The following PIBF1 variants were observed in gnomAD, a reference collection of about 807,000 sequenced individuals.
PIBF1 encodes progesterone immunomodulatory binding factor 1.
A neutral mutation model predicts 112.5 loss-of-function variants in PIBF1; 90 were observed. The ratio of observed to expected loss-of-function variants is 0.80; its 90% CI spans 0.67 to 0.95. PIBF1 has a LOEUF of 0.95. PIBF1 is among the 40% of genes least tolerant of loss of function. PIBF1 has a pLI of 0.00. For missense variants in PIBF1, 915 were observed against 852.3 expected, an observed-to-expected ratio of 1.07 and a Z score of -0.92; for synonymous variants, 301 against 288.6, an observed-to-expected ratio of 1.04 and a Z score of -0.44.
chr13:72,921,040 G>A (rs9530117), intron 13 of PIBF1, among the ~76,000 whole-genome samples: 112,864 of 152,060 alleles, frequency 0.74, 42,239 homozygotes, highest in African/African-American at 0.81. Context: ...TTTTAGGGTA[G>A]CATTTAATTG....
In PIBF1 at chr13:72,837,165, C is replaced by A. The variant is rs73216814; in HGVS notation, c.1223+1797C>A. Reference sequence around the variant, plus strand: ...AATATGCTTTAGGCACCAGCAAATACGTGTGCATGCCAGAAGAAATTATAC... The same window carrying A: ...AATATGCTTTAGGCACCAGCAAATAAGTGTGCATGCCAGAAGAAATTATAC... On this transcript the variant is annotated intron_variant, in intron 9 of 17. Transcript: ENST00000326291. Among the ~76,000 whole-genome samples the A allele has an allele frequency of 5.0e-3, 755 of 152,020 alleles. 5 individuals are homozygous for A. The highest frequency in any genetic ancestry group is 5.7e-3 in the Non-Finnish European group (390 of 67,916).
intron 6 of PIBF1, among the ~76,000 whole-genome samples, chr13:72,825,129 G>C (rs184800565): frequency 6.6e-6 from 1 of 152,208 alleles, no homozygotes; most frequent in East Asian, 1.9e-4. Context: ...ATTATAATAT[G>C]ATGATAATAG....
At chr13:72,794,652 A>G (rs1193371775) in intron 3 of PIBF1, among the ~76,000 whole-genome samples, 1 of 152,194 alleles carries the variant, frequency 6.6e-6, no homozygotes, top group Non-Finnish European at 1.5e-5. Flanking sequence ...GTTCCCCTGC[A>G]CAAGCACTCT....
intron 5 of PIBF1, among the ~76,000 whole-genome samples, chr13:72,805,081 C>T (rs1405883265): frequency 6.6e-6 from 1 of 152,188 alleles, no homozygotes; most frequent in Non-Finnish European, 1.5e-5. Flanking sequence ...TCAAGCGATT[C>T]TCCTGCCTCA....
intron 5 of PIBF1, among the ~76,000 whole-genome samples, chr13:72,812,947 G>A (rs766822798): frequency 1.2e-4 from 18 of 151,684 alleles, no homozygotes; most frequent in Admixed American, 2.6e-4. Context: ...GTGAGACTCC[G>A]CCTCAAAAAA....
At chr13:72,956,263 A>G (rs1394913800) in intron 14 of PIBF1, among the ~76,000 whole-genome samples, 1 of 151,928 alleles carries the variant, frequency 6.6e-6, no homozygotes, top group Non-Finnish European at 1.5e-5. Context: ...CAAAGCTATC[A>G]ATTCTATTAT....
At chr13:72,954,027 A>G (rs980755667) in intron 14 of PIBF1, among the ~76,000 whole-genome samples, 1 of 152,160 alleles carries the variant, frequency 6.6e-6, no homozygotes, top group African/African-American at 2.4e-5. Context: ...CAGTGTCCCC[A>G]GTGGGGATCA....
intron 5 of PIBF1, among the ~76,000 whole-genome samples, chr13:72,819,688 A>G (rs2138111549): frequency 6.6e-6 from 1 of 152,200 alleles, no homozygotes. Flanking sequence ...CAATGTATAT[A>G]AAATAGCCAA....
intron 16 of PIBF1, among the ~76,000 whole-genome samples, chr13:72,993,974 C>T (rs1456560385): frequency 2.0e-5 from 3 of 151,820 alleles, no homozygotes; most frequent in Non-Finnish European, 4.4e-5. Context: ...TAACTGGGGA[C>T]AGTGGTAGGT....
At chr13:72,849,438 A>G (rs2038029327) in intron 9 of PIBF1, among the ~76,000 whole-genome samples, 1 of 152,136 alleles carries the variant, frequency 6.6e-6, no homozygotes, top group South Asian at 2.1e-4. Flanking sequence ...TTGTTTTGTA[A>G]TTGTATTTCT....
At chr13:72,791,164 C>T (rs769179299) in intron 2 of PIBF1, among the ~76,000 whole-genome samples, 3 of 152,146 alleles carry the variant, frequency 2.0e-5, no homozygotes, top group African/African-American at 4.8e-5. Context: ...ACGCGATTCT[C>T]CTGCCTCAGC....
chr13:73,001,585 T>TTTTTTTTTTTTTTTTTTTTTTG (rs2043869910), intron 17 of PIBF1, among the ~76,000 whole-genome samples: 1 of 141,052 alleles, frequency 7.1e-6, no homozygotes, highest in Non-Finnish European at 1.6e-5. Flanking sequence ...AGCTTGACTT[T>TTTTTTTTTTTTTTTTTTTTTTG]TTTTTTTTTT....
Position 73,015,887 on chromosome 13 carries a change from G to A in PIBF1, c.2242G>A (p.Glu748Lys), listed in dbSNP as rs145892937. 1.3e-5 allele frequency: 21 copies of A among 1,586,700 alleles called. No individual in the cohort carries two copies. The African/African-American group carries it at 2.8e-4, about 21-fold the overall frequency. Reference sequence around the variant, plus strand: ...TAAACAGACTAAAAAAGAAGCACCTGAGTGGTCTAAGAAACAAAAGATGAA... The same window carrying A: ...TAAACAGACTAAAAAAGAAGCACCTAAGTGGTCTAAGAAACAAAAGATGAA... ...PTLFTKKEAPEWSKKQKMKT is the reference protein window; with the variant it reads ...PTLFTKKEAPKWSKKQKMKT The change falls in exon 18 of 18, where the codon GAG (glutamate) becomes AAG (lysine). Residue 748 changes from glutamate to lysine, a missense_variant. Transcript: ENST00000326291.
intron 5 of PIBF1, among the ~76,000 whole-genome samples, chr13:72,805,214 T>C (rs2057582): frequency 0.74 from 113,222 of 152,116 alleles, 42,515 homozygotes; most frequent in African/African-American, 0.82. Context: ...ACGATCTCGG[T>C]TCACTGCAAG....
intron 10 of PIBF1, among the ~76,000 whole-genome samples, chr13:72,877,073 G>A (rs893195072): frequency 1.3e-5 from 2 of 152,100 alleles, no homozygotes; most frequent in Non-Finnish European, 2.9e-5. Flanking sequence ...AGTTTACTAA[G>A]AGTTTGTATC....
At chr13:72,893,673 T>C in intron 10 of PIBF1, 111 bp from the exon 11 acceptor site, 1 of 553,368 alleles carries the variant, frequency 1.8e-6, no homozygotes, top group Non-Finnish European at 2.9e-6. Context: ...AAATATAAAT[T>C]ATTAACTCCA....
intron 14 of PIBF1, among the ~76,000 whole-genome samples, chr13:72,936,355 A>G (rs2041871908): frequency 6.6e-6 from 1 of 152,070 alleles, no homozygotes; most frequent in Non-Finnish European, 1.5e-5. Context: ...TTTTGAAGAG[A>G]TGCTTTTATC....
intron 14 of PIBF1, among the ~76,000 whole-genome samples, chr13:72,952,678 T>G (rs1049153124): frequency 1.3e-5 from 2 of 150,402 alleles, no homozygotes; most frequent in Admixed American, 6.6e-5. Flanking sequence ...GGGATGTGAC[T>G]TTATGGTTTC....
intron 12 of PIBF1, among the ~76,000 whole-genome samples, chr13:72,916,373 CAA>C (rs924191360): frequency 1.6e-4 from 24 of 147,856 alleles, no homozygotes; most frequent in African/African-American, 6.0e-4. Context: ...GCCTGGGCAA[CAA>C]GAGCGAAACT....
Sources: gnomAD v4.1 joint callset for allele counts (sites outside exome capture counted in the v4.1 genomes callset) on GRCh38, gnomAD v4.1.1 for gene constraint, MANE v1.5 for transcripts, NCBI Gene and HGNC (gene_info 2026-07-23, HGNC 2026-07-21) for gene names.